PEBP4: variants seen among roughly 807,000 people sequenced by gnomAD.
PEBP4 encodes phosphatidylethanolamine binding protein 4, also known as phosphatidylethanolamine-binding protein 4.
PEBP4 carries 22 observed loss-of-function variants against 23.9 expected under a neutral mutation model. The observed-to-expected ratio is 0.92, with a 90% CI of 0.66 to 1.31. The LOEUF is 1.31. Among genes scored for constraint, PEBP4 ranks in the 40% most tolerant of loss-of-function variants. PEBP4 has a pLI of 0.00. For synonymous variants in PEBP4, 112 were observed against 99.3 expected, an observed-to-expected ratio of 1.13 and a Z score of -0.76; for missense variants, 324 against 281.7, an observed-to-expected ratio of 1.15 and a Z score of -1.07.
At chr8:22,792,027 C>CTTT (rs34005416) in intron 4 of PEBP4, among the ~76,000 whole-genome samples, 50,859 of 145,808 alleles carry the variant, frequency 0.35, 9,106 homozygotes, top group Middle Eastern at 0.44. Flanking sequence ...TGGCTAAGAA[C>CTTT]TTTTTTTTTT....
chr8:22,869,850 A>G lies in PEBP4; in HGVS notation c.258+50334T>C, dbSNP rs115849950. 3.4e-3 allele frequency among the ~76,000 whole-genome samples: 511 copies of G among 152,348 alleles called. 2 individuals carry two copies. Among genetic ancestry groups the G allele is most frequent in the African/African-American group, 0.012 (489 of 41,584 alleles). Reference sequence around the variant, plus strand: ...TAGTGAATTGCAAATTAAAACAACAATGACATACCACTATACACCTATTGG... The same window carrying G: ...TAGTGAATTGCAAATTAAAACAACAGTGACATACCACTATACACCTATTGG... On this transcript the variant is annotated intron_variant, in intron 3 of 6. Transcript: ENST00000256404.
At chr8:22,715,262 G>C (rs1044171118) in intron 6 of PEBP4, among the ~76,000 whole-genome samples, 2 of 152,202 alleles carry the variant, frequency 1.3e-5, no homozygotes, top group African/African-American at 4.8e-5. Flanking sequence ...CTGCAGCCGG[G>C]TTCTCCTAGG....
intron 3 of PEBP4, among the ~76,000 whole-genome samples, chr8:22,904,825 C>T (rs545890104): frequency 6.6e-6 from 1 of 152,306 alleles, no homozygotes; most frequent in African/African-American, 2.4e-5. Flanking sequence ...TTTTTAATGG[C>T]TATATGGTAC....
At chr8:22,771,638 G>C (rs1217871221) in intron 4 of PEBP4, among the ~76,000 whole-genome samples, 3 of 152,220 alleles carry the variant, frequency 2.0e-5, no homozygotes. Flanking sequence ...CTTGACTCCA[G>C]AGGCAGGGCG....
intron 2 of PEBP4, among the ~76,000 whole-genome samples, chr8:22,920,702 T>C (rs1379456061): frequency 3.3e-5 from 5 of 152,230 alleles, no homozygotes; most frequent in East Asian, 1.9e-4. Flanking sequence ...ACAATACCTA[T>C]AGATTGCTTT....
intron 4 of PEBP4, among the ~76,000 whole-genome samples, chr8:22,813,918 T>C (rs1806687512): frequency 6.6e-6 from 1 of 152,224 alleles, no homozygotes; most frequent in Non-Finnish European, 1.5e-5. Flanking sequence ...ATACCACCAC[T>C]GTGCTGCAGA....
rs529867607 is a variant in PEBP4 at position 22,865,075 on chromosome 8, G to C, written c.259-47340C>G. On this transcript the variant is annotated intron_variant, in intron 3 of 6. Transcript: ENST00000256404. This position sits in a 1 kb window ranked among gnomAD's most constrained non-coding sequence, Gnocchi z 6.9. ...AGGTCACCAGGCGGGGACCTGCAGG[G>C]CCAGACGCCGAGCCCTGGATGCGAG... 6.6e-6 allele frequency among the ~76,000 whole-genome samples: 1 copy of C among 152,286 alleles called. No homozygotes were observed. The highest frequency in any genetic ancestry group is 2.4e-5 in the African/African-American group (1 of 41,568).
At chr8:22,763,511 C>G (rs867895905) in intron 4 of PEBP4, among the ~76,000 whole-genome samples, 2 of 152,138 alleles carry the variant, frequency 1.3e-5, no homozygotes, top group Non-Finnish European at 2.9e-5. Flanking sequence ...TCTTGCACTG[C>G]CACTTCCCGG....
intron 3 of PEBP4, among the ~76,000 whole-genome samples, chr8:22,829,304 T>C (rs1385908740): frequency 6.6e-6 from 1 of 152,186 alleles, no homozygotes; most frequent in African/African-American, 2.4e-5. Context: ...ACCAGCTTCA[T>C]TACAGGCCCT....
chr8:22,810,713 T>TGTGTGTGAGA (rs1481451051), intron 4 of PEBP4, among the ~76,000 whole-genome samples: 1 of 126,282 alleles, frequency 7.9e-6, no homozygotes, highest in Admixed American at 7.9e-5. Flanking sequence ...TGTGTGTGTG[T>TGTGTGTGAGA]GAGAGAGAGA....
At chr8:22,916,703 C>G (rs1375518023) in intron 3 of PEBP4, among the ~76,000 whole-genome samples, 3 of 149,844 alleles carry the variant, frequency 2.0e-5, no homozygotes, top group Non-Finnish European at 4.4e-5. Context: ...CCTGTTCACT[C>G]TCTCACCTAG....
intron 3 of PEBP4, among the ~76,000 whole-genome samples, chr8:22,863,706 CAG>C (rs1204328276): frequency 6.6e-6 from 1 of 152,138 alleles, no homozygotes; most frequent in Non-Finnish European, 1.5e-5. Context: ...ATAGCAGAGA[CAG>C]AGGGTGGGTC....
chr8:22,753,370 G>A (rs1268559857), intron 4 of PEBP4, among the ~76,000 whole-genome samples: 1 of 152,150 alleles, frequency 6.6e-6, no homozygotes, highest in African/African-American at 2.4e-5. Flanking sequence ...ATCGAAACTG[G>A]GGGCCGCATG....
chr8:22,909,547 C>G (rs1294053239), intron 3 of PEBP4, among the ~76,000 whole-genome samples: 1 of 152,118 alleles, frequency 6.6e-6, no homozygotes, highest in African/African-American at 2.4e-5. Flanking sequence ...GTCTCACAAC[C>G]CACTCCTTCC....
At chr8:22,904,062 A>G (rs1808760800) in intron 3 of PEBP4, among the ~76,000 whole-genome samples, 1 of 152,208 alleles carries the variant, frequency 6.6e-6, no homozygotes. Context: ...ACTGTGACTG[A>G]GACCCTATTT....
intron 1 of PEBP4, among the ~76,000 whole-genome samples, chr8:22,934,312 G>A (rs1809504699): frequency 6.6e-6 from 1 of 152,136 alleles, no homozygotes; most frequent in Non-Finnish European, 1.5e-5. Flanking sequence ...ACAAAATGGG[G>A]GGCACGGAGC....
Position 22,806,650 on chromosome 8 carries a change from G to A in PEBP4, c.357+10987C>T, listed in dbSNP as rs184361454. Reference sequence around the variant, plus strand: ...AAAAAAAAAGATATAAACAAGGTGAGGCACTCAGGCCAGAATCTTGCAGCA... The same window carrying A: ...AAAAAAAAAGATATAAACAAGGTGAAGCACTCAGGCCAGAATCTTGCAGCA... On this transcript the variant is annotated intron_variant, in intron 4 of 6. Transcript: ENST00000256404. 9.7e-4 allele frequency among the ~76,000 whole-genome samples: 147 copies of A among 151,748 alleles called. 1 individual carries two copies. The highest frequency in any genetic ancestry group is 3.4e-3 in the African/African-American group (139 of 41,394).
Position 22,789,499 on chromosome 8 carries a change from ACT to A in PEBP4, c.357+28136_357+28137del, listed in dbSNP as rs527889857. ...AGACCCCGCTGATACTTAAGAGGTG[ACT>A]CTATTCCTAAGCCCCCTGAGGTGGG... On this transcript the variant is annotated intron_variant, in intron 4 of 6. Transcript: ENST00000256404. Among the ~76,000 whole-genome samples, 93 of 151,918 alleles carry A rather than the reference ACT, an allele frequency of 6.1e-4. No individual in the cohort carries two copies. In the South Asian group the frequency reaches 7.9e-3, roughly 13 times the overall value.
At chr8:22,850,824 G>C (rs557757470) in intron 3 of PEBP4, among the ~76,000 whole-genome samples, 43 of 152,318 alleles carry the variant, frequency 2.8e-4, no homozygotes, top group Non-Finnish European at 5.9e-4. Flanking sequence ...CTCAGGGAGG[G>C]GTAGGAGGAA....
Sources: allele counts gnomAD v4.1 joint callset (sites outside exome capture counted in the v4.1 genomes callset), GRCh38; gene constraint gnomAD v4.1.1; non-coding constraint Gnocchi (gnomAD v3.1); transcripts MANE v1.5; gene names NCBI Gene and HGNC (gene_info 2026-07-23, HGNC 2026-07-21).